The following FOXP1 variants were observed in gnomAD, a reference collection of about 807,000 sequenced individuals.
FOXP1 encodes the protein forkhead box protein P1.
FOXP1 carries 15 observed loss-of-function variants against 98.2 expected under a neutral mutation model. The observed-to-expected ratio is 0.15, with a 90% CI of 0.10 to 0.24. The LOEUF is 0.24. Ranked by LOEUF, FOXP1 falls within the 10% of genes least tolerant of loss-of-function variation. The pLI is 1.00. For missense variants in FOXP1, 633 were observed against 848.5 expected (o/e 0.75, Z 3.15); for synonymous variants, 371 against 314.5 (o/e 1.18, Z -1.90).
At chr3:71,562,935 C>T (rs1578191585) in intron 2 of FOXP1, among the ~76,000 whole-genome samples, 1 of 152,170 alleles carries the variant, frequency 6.6e-6, no homozygotes, top group African/African-American at 2.4e-5. Context: ...GCAATCGCTC[C>T]CTGTTCTCAT....
intron 2 of FOXP1, among the ~76,000 whole-genome samples, chr3:71,524,280 C>G (rs560563970): frequency 1.6e-4 from 24 of 152,164 alleles, no homozygotes; most frequent in African/African-American, 5.8e-4. Flanking sequence ...AGGAGAATCA[C>G]TTGAATCAGG....
At chr3:70,994,779 T>G (rs1420263767) in intron 13 of FOXP1, among the ~76,000 whole-genome samples, 1 of 152,224 alleles carries the variant, frequency 6.6e-6, no homozygotes, top group Non-Finnish European at 1.5e-5. Flanking sequence ...CCTTTTTCCC[T>G]TGCCTGCTTT....
rs78363879 is a variant in FOXP1 at position 71,127,881 on chromosome 3, C to A, written c.181-15244G>T. 2.1e-3 allele frequency among the ~76,000 whole-genome samples: 313 copies of A among 152,270 alleles called. 4 individuals are homozygous for A. In the East Asian group the frequency reaches 0.05, roughly 25 times the overall value. On this transcript the variant is annotated intron_variant, in intron 6 of 20. Coordinates refer to ENST00000649528, the MANE Select transcript of FOXP1 (RefSeq NM_001349338.3). ...AAAGTATGATTATCCAACCCAACTG[C>A]CTTTTGGAGAGAGGCGGAAAGGCCA...
intron 6 of FOXP1, among the ~76,000 whole-genome samples, chr3:71,178,820 CT>C (rs963427780): frequency 6.6e-6 from 1 of 151,470 alleles, no homozygotes; most frequent in Non-Finnish European, 1.5e-5. Context: ...GGAGGCGGAG[CT>C]TGCAGTGAGC....
intron 6 of FOXP1, among the ~76,000 whole-genome samples, chr3:71,130,111 TC>T (rs1165365776): frequency 1.3e-5 from 2 of 152,146 alleles, no homozygotes; most frequent in South Asian, 4.1e-4. Flanking sequence ...AAAGGCACCA[TC>T]CCCACATTCT....
intron 3 of FOXP1, among the ~76,000 whole-genome samples, chr3:71,404,120 C>CTTTTTTTTTTTTTTTTTTTTTT (rs869086663): frequency 3.2e-5 from 2 of 62,702 alleles, no homozygotes; most frequent in Non-Finnish European, 5.6e-5. Context: ...TTTTCTTTTT[C>CTTTTTTTTTTTTTTTTTTTTTT]TTTTTTTTTT....
chr3:71,343,148 C>G (rs1016765930), intron 4 of FOXP1, among the ~76,000 whole-genome samples: 5 of 152,242 alleles, frequency 3.3e-5, no homozygotes, highest in African/African-American at 7.2e-5. Flanking sequence ...TGCTCTGACA[C>G]TTTCCCTGAG....
intron 6 of FOXP1, among the ~76,000 whole-genome samples, chr3:71,119,235 T>C (rs376985435): frequency 4.2e-4 from 64 of 152,316 alleles, no homozygotes; most frequent in Non-Finnish European, 7.6e-4. Flanking sequence ...TGGTAGGTAA[T>C]TGATAGCAGT....
intron 7 of FOXP1, among the ~76,000 whole-genome samples, chr3:71,057,740 C>A (rs1169074613): frequency 2.6e-5 from 4 of 152,106 alleles, no homozygotes; most frequent in Admixed American, 6.5e-5. Flanking sequence ...ATTAAAAAAA[C>A]ACACGGCATG....
rs1348187295 is a variant in FOXP1, at chr3:71,198,323, G to A, written c.59C>T (p.Ser20Leu). The A allele has an allele frequency of 1.9e-6, 3 of 1,609,514 alleles. No individual in the cohort carries two copies. The highest frequency in any genetic ancestry group is 2.2e-5 in the South Asian group (2 of 90,960). ...KSNGSAIQNG[S>L]GGSNHLLECG... ...CTCTAGTAAGTGGTTGCTGCCGCCC[G>A]ACCCATTCTGGATGGCTGAACCGTT... The change falls in exon 6 of 21, where the codon TCG becomes TTG. Residue 20 changes from serine to leucine, a missense_variant. Physicochemically the swap from Ser to Leu is moderately radical, Grantham distance 145. Around this residue, in one of 6 missense-constraint regions of FOXP1, gnomAD observed 103 missense variants for 85.5 expected, o/e 1.20. Coordinates refer to ENST00000649528, the MANE Select transcript of FOXP1 (RefSeq NM_001349338.3).
intron 2 of FOXP1, chr3:71,570,510 C>A (rs1451112642): frequency 6.6e-6 from 1 of 152,220 alleles, no homozygotes; most frequent in African/African-American, 2.4e-5. Flanking sequence ...TGGGATTTTC[C>A]CATTCGGAAA....
chr3:71,189,246 G>T (rs1005010121), intron 6 of FOXP1, among the ~76,000 whole-genome samples: 3 of 151,982 alleles, frequency 2.0e-5, no homozygotes, highest in African/African-American at 7.3e-5. Flanking sequence ...GTGTCAATAT[G>T]GAACAAAGAC....
chr3:71,019,886 C>T (rs901358376), intron 11 of FOXP1, among the ~76,000 whole-genome samples: 4 of 151,928 alleles, frequency 2.6e-5, no homozygotes, highest in East Asian at 1.9e-4. Context: ...CATAAAACCA[C>T]GGGCTTGATG....
At chr3:71,334,243 A>C (rs1018425173) in intron 4 of FOXP1, 1 of 152,238 alleles carries the variant, frequency 6.6e-6, no homozygotes, top group Admixed American at 6.5e-5. Context: ...TTCTGTCTCT[A>C]CTAAAAAGAC....
intron 6 of FOXP1, among the ~76,000 whole-genome samples, chr3:71,149,014 G>C (rs1198514078): frequency 6.6e-6 from 1 of 152,178 alleles, no homozygotes; most frequent in Non-Finnish European, 1.5e-5. Context: ...AAGACAATTT[G>C]GATAGGCCTC....
At chr3:71,140,534 T>C (rs986346738) in intron 6 of FOXP1, among the ~76,000 whole-genome samples, 1 of 152,232 alleles carries the variant, frequency 6.6e-6, no homozygotes, top group Non-Finnish European at 1.5e-5. Flanking sequence ...GTTAAAATAA[T>C]ATAGTCTAAT....
intron 2 of FOXP1, among the ~76,000 whole-genome samples, chr3:71,576,923 C>T (rs985280667): frequency 6.6e-6 from 1 of 152,150 alleles, no homozygotes; most frequent in Non-Finnish European, 1.5e-5. Context: ...CATAAAATAA[C>T]TACCGAACAA....
intron 4 of FOXP1, among the ~76,000 whole-genome samples, chr3:71,338,043 T>C (rs1436857697): frequency 1.3e-5 from 2 of 152,166 alleles, no homozygotes; most frequent in Admixed American, 6.5e-5. Context: ...AGGAATTTCC[T>C]CTGAAGAGAT....
intron 5 of FOXP1, among the ~76,000 whole-genome samples, chr3:71,240,010 A>AG (rs2106887618): frequency 6.6e-6 from 1 of 152,376 alleles, no homozygotes; most frequent in African/African-American, 2.4e-5. Context: ...ACTTTGGGTC[A>AG]GGGGATGGAG....
Sources: allele counts gnomAD v4.1 joint callset (sites outside exome capture counted in the v4.1 genomes callset), GRCh38; gene constraint gnomAD v4.1.1; regional missense constraint gnomAD v4.1.1; transcripts MANE v1.5; gene names NCBI Gene and HGNC (gene_info 2026-07-23, HGNC 2026-07-21).